SLC24A2: variants seen among roughly 807,000 people sequenced by gnomAD.
The protein encoded by SLC24A2 is sodium/potassium/calcium exchanger 2.
SLC24A2 carries 36 observed loss-of-function variants against 62.0 expected under a neutral mutation model. The observed-to-expected ratio is 0.58, with a 90% confidence interval of 0.44 to 0.77. The LOEUF (loss-of-function observed/expected upper bound fraction) is 0.77, where lower values mean the gene tolerates loss of function less well. Ranked by LOEUF, SLC24A2 falls within the 30% of genes least tolerant of loss-of-function variation. The pLI, the probability that SLC24A2 is intolerant of heterozygous loss-of-function variation, is 0.00. For synonymous variants in SLC24A2, 358 were observed against 294.0 expected (o/e 1.22, Z -2.23); for missense variants, 846 against 817.9 (o/e 1.03, Z -0.42).
chr9:19,566,272 A>G (rs528804318), intron 7 of SLC24A2, among the ~76,000 whole-genome samples: 92 of 150,646 alleles, frequency 6.1e-4, no homozygotes, highest in African/African-American at 2.2e-3. Context: ...TTTACAAGAA[A>G]AAAACAACCC....
At chr9:19,798,838 G>A in the SLC24A2 span, among the ~76,000 whole-genome samples, 1 of 152,006 alleles carries the variant, frequency 6.6e-6, no homozygotes, top group Non-Finnish European at 1.5e-5. Context: ...TCTCAAATAA[G>A]GTATGCCCTT....
At chr9:20,086,278 G>A in the SLC24A2 span, among the ~76,000 whole-genome samples, 1 of 152,066 alleles carries the variant, frequency 6.6e-6, no homozygotes, top group South Asian at 2.1e-4. Context: ...ATTCTCCACT[G>A]TTTCATTTAT....
chr9:19,562,331 A>T (rs1835445331), intron 7 of SLC24A2, among the ~76,000 whole-genome samples: 1 of 152,184 alleles, frequency 6.6e-6, no homozygotes, highest in South Asian at 2.1e-4. Flanking sequence ...CAGAGTGGTA[A>T]TGGAGTTTTT....
intron 2 of SLC24A2, among the ~76,000 whole-genome samples, chr9:19,719,384 A>G (rs1373703081): frequency 6.6e-6 from 1 of 152,192 alleles, no homozygotes; most frequent in Non-Finnish European, 1.5e-5. Context: ...TGTCTGACCT[A>G]GACTACTCCA....
the SLC24A2 span, among the ~76,000 whole-genome samples, chr9:20,186,611 G>A: frequency 1.3e-5 from 2 of 151,830 alleles, no homozygotes; most frequent in African/African-American, 2.4e-5. Flanking sequence ...GCATTCCCAA[G>A]TTCAAATCCT....
intron 10 of SLC24A2, among the ~76,000 whole-genome samples, chr9:19,517,957 A>ACACT (rs71504202): frequency 2.7e-4 from 36 of 135,584 alleles, no homozygotes; most frequent in African/African-American, 8.6e-4. Context: ...ACACACACAC[A>ACACT]CTCTCACACT....
the SLC24A2 span, among the ~76,000 whole-genome samples, chr9:20,033,126 G>A: frequency 2.0e-5 from 3 of 152,308 alleles, no homozygotes; most frequent in Admixed American, 6.5e-5. Context: ...AGCAGTTAAA[G>A]GAGGTTTTAT....
intron 2 of SLC24A2, among the ~76,000 whole-genome samples, chr9:19,725,553 G>A (rs758645476): frequency 2.6e-5 from 4 of 152,022 alleles, no homozygotes; most frequent in Non-Finnish European, 5.9e-5. Flanking sequence ...CTAGGGCTTC[G>A]TTATATACAG....
At chr9:19,585,881 G>A (rs970654446) in intron 5 of SLC24A2, among the ~76,000 whole-genome samples, 2 of 152,024 alleles carry the variant, frequency 1.3e-5, no homozygotes, top group Admixed American at 6.6e-5. Flanking sequence ...GACCTTTGTG[G>A]CCACCCATAA....
At chr9:20,069,171 A>G in the SLC24A2 span, among the ~76,000 whole-genome samples, 3 of 152,346 alleles carry the variant, frequency 2.0e-5, no homozygotes, top group South Asian at 6.2e-4. Flanking sequence ...TGAAAACATT[A>G]CATTAAAATT....
the SLC24A2 span, among the ~76,000 whole-genome samples, chr9:19,996,699 G>A: frequency 4.9e-5 from 7 of 143,012 alleles, no homozygotes; most frequent in African/African-American, 1.8e-4. Flanking sequence ...CCGAGATGGT[G>A]CCACTGCACC....
the SLC24A2 span, among the ~76,000 whole-genome samples, chr9:19,807,639 G>A: frequency 3.9e-5 from 6 of 152,160 alleles, no homozygotes; most frequent in South Asian, 2.1e-4. Context: ...CATGCTAATC[G>A]AAATTGGAGG....
intron 6 of SLC24A2, among the ~76,000 whole-genome samples, 183 bp downstream of exon 6, chr9:19,576,741 G>C (rs1836022540): frequency 6.6e-6 from 1 of 152,164 alleles, no homozygotes; most frequent in Non-Finnish European, 1.5e-5. Flanking sequence ...GTGACATACT[G>C]TGTCCATGCA....
the SLC24A2 span, among the ~76,000 whole-genome samples, chr9:20,035,434 T>C: frequency 3.2e-3 from 491 of 152,266 alleles, 1 homozygote; most frequent in Non-Finnish European, 5.7e-3. Flanking sequence ...AAGTGGAGAC[T>C]TCCAATGAAA....
the SLC24A2 span, among the ~76,000 whole-genome samples, chr9:19,930,680 G>T: frequency 3.7e-4 from 56 of 152,242 alleles, no homozygotes; most frequent in African/African-American, 1.3e-3. Context: ...TTTACTAAAG[G>T]TATTATAATT....
chr9:20,061,274 T>C, the SLC24A2 span, among the ~76,000 whole-genome samples: 1 of 151,126 alleles, frequency 6.6e-6, no homozygotes, highest in Non-Finnish European at 1.5e-5. Context: ...ATGTCTTATG[T>C]TTATGGTCAA....
chr9:20,110,977 C>T, the SLC24A2 span, among the ~76,000 whole-genome samples: 2 of 152,100 alleles, frequency 1.3e-5, no homozygotes, highest in South Asian at 4.1e-4. Context: ...TAAAAAATAG[C>T]ATCTTATAAA....
the SLC24A2 span, among the ~76,000 whole-genome samples, chr9:20,169,910 C>T: frequency 6.6e-6 from 1 of 151,780 alleles, no homozygotes; most frequent in Non-Finnish European, 1.5e-5. Flanking sequence ...AAAGGCAAAG[C>T]CAGTTTAAAT....
chr9:20,019,233 AAGAAAAAG>A, the SLC24A2 span, among the ~76,000 whole-genome samples: 1 of 146,964 alleles, frequency 6.8e-6, no homozygotes, highest in East Asian at 2.0e-4. Context: ...GAAAGAAAGA[AAGAAAAAG>A]AAAGAAGGAA....
Sources: allele counts gnomAD v4.1 joint callset (sites outside exome capture counted in the v4.1 genomes callset), GRCh38; gene constraint gnomAD v4.1.1; transcripts MANE v1.5; gene names NCBI Gene and HGNC (gene_info 2026-07-23, HGNC 2026-07-21).